The following AOX1 variants were observed in gnomAD, a reference collection of about 807,000 sequenced individuals.
AOX1 encodes the protein aldehyde oxidase.
Under a neutral mutation model 169.5 loss-of-function variants are expected in AOX1, and 153 were observed. The ratio of observed to expected loss-of-function variants is 0.90; its 90% confidence interval spans 0.79 to 1.03. The LOEUF (loss-of-function observed/expected upper bound fraction) is 1.03. Among genes scored for constraint, AOX1 ranks in the 50% least tolerant of loss-of-function variants. The probability of loss-of-function intolerance (pLI) is 0.00; values close to 1 mark genes in which losing one functional copy is unlikely to be tolerated. For missense variants in AOX1, 1,656 were observed against 1,663.9 expected (o/e 1.00, Z 0.08); for synonymous variants, 562 against 581.9 (o/e 0.97, Z 0.49).
At chr2:200,611,315 T>G in intron 12 of AOX1, 69 bp from the exon 13 acceptor site, 1 of 1,078,650 alleles carries the variant, frequency 9.3e-7, no homozygotes, top group South Asian at 1.3e-5. Flanking sequence ...GTAGAATTAC[T>G]TCCTAAGTTT....
intron 26 of AOX1, among the ~76,000 whole-genome samples, chr2:200,653,516 A>C (rs1157889615): frequency 1.3e-5 from 2 of 152,218 alleles, no homozygotes; most frequent in Non-Finnish European, 2.9e-5. Context: ...ACTGAAGCTC[A>C]TAGGGATTCT....
At chr2:200,644,396 C>T (rs2035411698) in intron 25 of AOX1, among the ~76,000 whole-genome samples, 1 of 152,104 alleles carries the variant, frequency 6.6e-6, no homozygotes, top group South Asian at 2.1e-4. Context: ...CTATTCTGTT[C>T]CACTGGTTTC....
rs758267987 is a variant in AOX1 at position 200,662,811 on chromosome 2, A to G, written c.3429-44A>G. On this transcript the variant is annotated intron_variant, in intron 30 of 34. Coordinates refer to ENST00000374700, the MANE Select transcript of AOX1 (RefSeq NM_001159.4). Reference sequence around the variant, plus strand: ...GTCTGTTTAGTCATCATGGTCTGCAATTAGGGGACGTGATCACTTAACAAC... The same window carrying G: ...GTCTGTTTAGTCATCATGGTCTGCAGTTAGGGGACGTGATCACTTAACAAC... The G allele has an allele frequency of 2.6e-6, 4 of 1,510,426 alleles. No individual in the cohort carries two copies. In the South Asian group the frequency reaches 3.4e-5, roughly 13 times the overall value. The allele number at this position is 1,510,426 out of a possible 1,614,324, so 93.6% of individuals were successfully genotyped here.
At chr2:200,590,991 GAT>G (rs934684748) in intron 1 of AOX1, among the ~76,000 whole-genome samples, 1 of 152,284 alleles carries the variant, frequency 6.6e-6, no homozygotes. Context: ...TGCATGCCAG[GAT>G]AGACAACCTA....
At chr2:200,660,504 G>A (rs550717669) in intron 29 of AOX1, among the ~76,000 whole-genome samples, 5 of 152,116 alleles carry the variant, frequency 3.3e-5, no homozygotes, top group Admixed American at 6.6e-5. Flanking sequence ...CCAAGCCAGT[G>A]GGTATATGTT....
At chr2:200,667,149 G>C (rs1444642791) in intron 32 of AOX1, among the ~76,000 whole-genome samples, 1 of 152,194 alleles carries the variant, frequency 6.6e-6, no homozygotes, top group Admixed American at 6.5e-5. Context: ...AGCAGTAGCT[G>C]TTGGTAGGCA....
downstream of AOX1, among the ~76,000 whole-genome samples, chr2:200,675,020 G>GTAAA (rs2036076998): frequency 6.6e-6 from 1 of 152,246 alleles, no homozygotes. Flanking sequence ...ACAGCAGCCT[G>GTAAA]GGAGTGAGTG....
chr2:200,618,538 T>C (rs1407959784), intron 16 of AOX1, among the ~76,000 whole-genome samples: 4 of 152,238 alleles, frequency 2.6e-5, no homozygotes, highest in African/African-American at 9.6e-5. Flanking sequence ...ATATGGTTTT[T>C]TTATTTTCAA....
At chr2:200,620,523 C>G in intron 16 of AOX1, 127 bp from the exon 17 acceptor site, 1 of 910,084 alleles carries the variant, frequency 1.1e-6, no homozygotes. Flanking sequence ...AGTGCTTTTT[C>G]ATATGCAAAA....
chr2:200,665,588 C>A (rs937162134), intron 31 of AOX1, among the ~76,000 whole-genome samples: 7 of 152,144 alleles, frequency 4.6e-5, no homozygotes, highest in Non-Finnish European at 1.0e-4. Flanking sequence ...CGTGCCATCA[C>A]CCCTGGCTAA....
chr2:200,663,503 C>T (rs1254152681), intron 31 of AOX1, among the ~76,000 whole-genome samples: 1 of 151,610 alleles, frequency 6.6e-6, no homozygotes, highest in African/African-American at 2.4e-5. Flanking sequence ...CATCCTTATG[C>T]TTTCAAGGGA....
Position 200,603,266 on chromosome 2 carries a change from G to A in AOX1, c.499-1G>A. 1 of 1,613,344 alleles carries A rather than the reference G, an allele frequency of 6.2e-7. No individual in the cohort carries two copies. ...CTAGTGATTTGTTTTTTGTCCACTAGACTTCGGGCTGCTGTCAAAGTAAAG... is the reference window on the plus strand; with the variant it reads ...CTAGTGATTTGTTTTTTGTCCACTAAACTTCGGGCTGCTGTCAAAGTAAAG... On this transcript the variant is annotated splice_acceptor_variant, in intron 6 of 34. Coordinates refer to ENST00000374700, the MANE Select transcript of AOX1 (RefSeq NM_001159.4). LOFTEE classifies it high-confidence loss of function.
At chr2:200,680,813 T>G (rs2105785201), downstream of AOX1, among the ~76,000 whole-genome samples, 1 of 152,274 alleles carries the variant, frequency 6.6e-6, no homozygotes, top group Non-Finnish European at 1.5e-5. Flanking sequence ...CCCAAAATGC[T>G]GGGATTAGAG....
At chr2:200,636,871 G>C (rs1235503613) in intron 21 of AOX1, 40 bp from the exon 22 acceptor site, 12 of 1,589,066 alleles carry the variant, frequency 7.6e-6, no homozygotes, top group Non-Finnish European at 8.6e-6. Context: ...AGTCCTTGCT[G>C]AAGATGGATC....
chr2:200,666,271 C>G (rs527602562), intron 31 of AOX1, among the ~76,000 whole-genome samples: 1 of 152,302 alleles, frequency 6.6e-6, no homozygotes, highest in East Asian at 1.9e-4. Context: ...AGTAAACATT[C>G]CTCAGCCAGT....
At chr2:200,653,236 C>T (rs2035616356) in intron 26 of AOX1, among the ~76,000 whole-genome samples, 1 of 152,196 alleles carries the variant, frequency 6.6e-6, no homozygotes. Context: ...CAAATTCATT[C>T]TTGAAGGCCA....
chr2:200,636,988 A>C lies in AOX1; in HGVS notation c.2424A>C (p.Gly808=). The C allele has an allele frequency of 6.2e-7, 1 of 1,614,112 alleles. No homozygotes were observed. Among genetic ancestry groups the C allele is most frequent in the Non-Finnish European group, 8.5e-7 (1 of 1,179,978 alleles). ...TAAGGCGTGTTGGTGGAGCGTTTGG[A>C]GGGAAGGTGTTAAAAACCGGAATCA... ...CHVRRVGGAF[G]GKVLKTGIIA... is the part of the protein sequence containing the mutation. The change falls in exon 22 of 35, where the codon GGA becomes GGC. Residue 808 remains glycine, a synonymous_variant. Coordinates refer to ENST00000374700, the MANE Select transcript of AOX1 (RefSeq NM_001159.4).
chr2:200,659,928 ATGT>A (rs1299673545), intron 28 of AOX1, 64 bp from the exon 29 acceptor site: 45 of 1,220,330 alleles, frequency 3.7e-5, no homozygotes, highest in Admixed American at 2.3e-4. Context: ...GGTACATATT[ATGT>A]TGTTTTGAAT....
chr2:200,619,614 A>G (rs2034840154), intron 16 of AOX1, among the ~76,000 whole-genome samples: 1 of 152,176 alleles, frequency 6.6e-6, no homozygotes. Context: ...CATATTTGAA[A>G]CACCAGGGCA....
Sources: gnomAD v4.1 joint callset for allele counts (sites outside exome capture counted in the v4.1 genomes callset) on GRCh38, gnomAD v4.1.1 for gene constraint, MANE v1.5 for transcripts, NCBI Gene and HGNC (gene_info 2026-07-23, HGNC 2026-07-21) for gene names.